ENPEP: variants seen among roughly 807,000 people sequenced by gnomAD.
ENPEP encodes glutamyl aminopeptidase, also known as AP-A.
ENPEP carries 103 observed loss-of-function variants against 114.5 expected under a neutral mutation model. The ratio of observed to expected loss-of-function variants is 0.90; its 90% CI spans 0.77 to 1.06. ENPEP has a LOEUF of 1.06. ENPEP is among the 50% of genes least tolerant of loss of function. The pLI is 0.00. For synonymous variants in ENPEP, 420 were observed against 422.0 expected, an observed-to-expected ratio of 1.00 and a Z score of 0.06; for missense variants, 1,196 against 1,161.3, an observed-to-expected ratio of 1.03 and a Z score of -0.43.
At position 110,476,443 on chromosome 4, in the gene ENPEP, A is replaced by G. The variant is rs564550794; in HGVS notation, c.29A>G (p.Lys10Arg). 135 of 1,538,664 alleles carry G rather than the reference A, an allele frequency of 8.8e-5. No homozygotes were observed. The South Asian group carries it at 1.6e-3, about 18-fold the overall frequency. The change falls in exon 1 of 20, where the codon AAG (lysine) becomes AGG (arginine). Residue 10 changes from lysine to arginine, a missense_variant. Transcript: ENST00000265162. MNFAEREGS[K>R]RYCIQTKHVA... ...AACTTTGCGGAGAGAGAGGGCTCTA[A>G]GAGATACTGCATTCAAACGAAACAT...
At chr4:110,513,815 T>C (rs1454708996) in intron 7 of ENPEP, among the ~76,000 whole-genome samples, 1 of 152,200 alleles carries the variant, frequency 6.6e-6, no homozygotes. Flanking sequence ...TAATTTAATA[T>C]TTAGACTTGA....
In ENPEP at chr4:110,548,159, TTTTTTGTC is replaced by T; in HGVS notation, c.2001-13_2001-6del. Reference sequence around the variant, plus strand: ...TGTGAGTTTTTTTTTTTTTTTTTTTTTTTTTGTCTTTCTCAGAGCTCAACTTCTAGATT... The same window carrying T: ...TGTGAGTTTTTTTTTTTTTTTTTTTTTTTCTCAGAGCTCAACTTCTAGATT... On this transcript the variant is annotated splice_polypyrimidine_tract_variant and intron_variant, in intron 13 of 19. Transcript: ENST00000265162. The T allele has an allele frequency of 8.2e-7, 1 of 1,226,672 alleles. No individual in the cohort carries two copies. Among genetic ancestry groups the T allele is most frequent in the Non-Finnish European group, 1.0e-6 (1 of 976,758 alleles). 76.0% of individuals were successfully genotyped at this position (1,226,672 alleles called of 1,614,324 possible). A position where few individuals can be genotyped will look rare whatever the true frequency, so the allele number is the denominator to read the frequency against.
intron 3 of ENPEP, among the ~76,000 whole-genome samples, chr4:110,497,122 T>C (rs1257957743): frequency 1.3e-5 from 2 of 152,246 alleles, no homozygotes; most frequent in Non-Finnish European, 2.9e-5. Context: ...GACCACTTAT[T>C]GTAGCATTCC....
chr4:110,554,011 A>G (rs1727384890), intron 18 of ENPEP, among the ~76,000 whole-genome samples: 1 of 152,048 alleles, frequency 6.6e-6, no homozygotes, highest in East Asian at 1.9e-4. Flanking sequence ...AGTTAAAGAG[A>G]TGCCTTTCCA....
chr4:110,557,441 C>T (rs1290604907), intron 18 of ENPEP, among the ~76,000 whole-genome samples: 5 of 152,086 alleles, frequency 3.3e-5, no homozygotes, highest in African/African-American at 7.2e-5. Context: ...TCATTAAATG[C>T]GAGGGACTAA....
Position 110,477,051 on chromosome 4 carries a change from C to G in ENPEP, c.637C>G (p.Gln213Glu). ...FYRTTYTENG[Q>E]VKSIVATDHE... ...TAGAACCACCTACACGGAGAACGGA[C>G]AAGTCAAGTAAATATTAATTTTTGC... The change falls in exon 1 of 20, where the codon CAA (glutamine) becomes GAA (glutamate). Residue 213 changes from glutamine to glutamate, a missense_variant. Coordinates refer to ENST00000265162, the MANE Select transcript of ENPEP (RefSeq NM_001977.4). 7.4e-6 allele frequency: 12 copies of G among 1,611,318 alleles called. No individual in the cohort carries two copies. The highest frequency in any genetic ancestry group is 1.0e-5 in the Non-Finnish European group (12 of 1,178,068).
chr4:110,513,304 C>A, intron 6 of ENPEP, 111 bp from the exon 7 acceptor site: 1 of 1,243,196 alleles, frequency 8.0e-7, no homozygotes, highest in Non-Finnish European at 1.1e-6. Context: ...GTTTAAGTAA[C>A]TTAAGTCATT....
chr4:110,509,790 C>T lies in ENPEP; in HGVS notation c.1177C>T (p.His393Tyr). The T allele has an allele frequency of 6.2e-7, 1 of 1,613,440 alleles. No individual in the cohort carries two copies. The highest frequency in any genetic ancestry group is 8.5e-7 in the Non-Finnish European group (1 of 1,179,846). Residue 393 changes from histidine (H) to tyrosine (Y), a missense_variant, in exon 5 of 20, where the codon CAT (histidine) becomes TAT (tyrosine). His to Tyr is a moderately conservative substitution (Grantham distance 83). Coordinates refer to ENST00000265162, the MANE Select transcript of ENPEP (RefSeq NM_001977.4). ...ACAGAGGGTGGCCACTGTGGTTGCC[C>T]ATGAACTTGTGCATCAGGTACAGAA... ...NQQRVATVVA[H>Y]ELVHQWFGNI...
intron 2 of ENPEP, among the ~76,000 whole-genome samples, chr4:110,489,495 C>A (rs911276952): frequency 7.2e-5 from 11 of 151,786 alleles, no homozygotes; most frequent in Admixed American, 3.9e-4. Flanking sequence ...CACAGTGGCA[C>A]GTGTATACCT....
At chr4:110,560,921 TG>T (rs1179385673) in intron 19 of ENPEP, among the ~76,000 whole-genome samples, 2 of 152,260 alleles carry the variant, frequency 1.3e-5, no homozygotes, top group East Asian at 3.9e-4. Flanking sequence ...TGGTTGAGTT[TG>T]GGGTAGGGCT....
intron 14 of ENPEP, 119 bp downstream of exon 14, chr4:110,548,445 C>A: frequency 1.3e-6 from 1 of 779,560 alleles, no homozygotes; most frequent in Non-Finnish European, 1.8e-6. Flanking sequence ...CAGGTGGAAT[C>A]AAAAGAAAGT....
rs192514327 is a variant in ENPEP, at chr4:110,561,325, C to G, written c.2722-81C>G. ...ACTGAATTTCTAGGTAAGAAGAAAG[C>G]AAATCCAGTTTGTGAATGAAATTCT... On this transcript the variant is annotated intron_variant, in intron 19 of 19. Transcript: ENST00000265162. 34 of 1,471,624 alleles carry G rather than the reference C, an allele frequency of 2.3e-5. No individual in the cohort carries two copies. In the Admixed American group the frequency reaches 5.9e-4, roughly 26 times the overall value. The allele number at this position is 1,471,624 out of a possible 1,614,324, so 91.2% of individuals were successfully genotyped here.
intron 11 of ENPEP, among the ~76,000 whole-genome samples, chr4:110,537,565 T>C (rs1405578076): frequency 6.6e-6 from 1 of 152,220 alleles, no homozygotes; most frequent in South Asian, 2.1e-4. Context: ...CTTGAACACC[T>C]CAAAGTCATT....
intron 13 of ENPEP, among the ~76,000 whole-genome samples, chr4:110,545,900 G>A (rs1402638196): frequency 6.6e-6 from 1 of 151,954 alleles, no homozygotes; most frequent in Non-Finnish European, 1.5e-5. Flanking sequence ...GGCCAGAGCA[G>A]CAGCCAAATA....
chr4:110,561,974 G>A lies in ENPEP; in HGVS notation c.*416G>A, dbSNP rs1727695854. ...AAAGTTTAAATACCAGTACTTGAGG[G>A]ACCAATATTACCATCTTAATCTTTA... On this transcript the variant is annotated 3_prime_UTR_variant, in exon 20 of 20. Transcript: ENST00000265162. 1 of 155,280 alleles carries A rather than the reference G, an allele frequency of 6.4e-6. No homozygotes were observed. Among genetic ancestry groups the A allele is most frequent in the Non-Finnish European group, 1.4e-5 (1 of 70,414 alleles). 9.6% of individuals were successfully genotyped at this position (155,280 alleles called of 1,614,324 possible). A position where few individuals can be genotyped will look rare whatever the true frequency, so the allele number is the denominator to read the frequency against.
At chr4:110,493,942 C>G (rs1279210941) in intron 3 of ENPEP, among the ~76,000 whole-genome samples, 1 of 152,098 alleles carries the variant, frequency 6.6e-6, no homozygotes. Context: ...AAAAGAAAAA[C>G]ATCCAAGACA....
rs558954141 is a variant in ENPEP at position 110,490,038 on chromosome 4, C to T, written c.787-995C>T. Among the ~76,000 whole-genome samples the T allele has an allele frequency of 2.6e-4, 39 of 152,244 alleles. 1 individual carries two copies. In the South Asian group the frequency reaches 7.9e-3, roughly 31 times the overall value. On this transcript the variant is annotated intron_variant, in intron 2 of 19. Transcript: ENST00000265162. Reference sequence around the variant, plus strand: ...TGGAGAAGAAAGAGGAAAGGATAAACTTAAAGTATGACACACCAATCTAGA... The same window carrying T: ...TGGAGAAGAAAGAGGAAAGGATAAATTTAAAGTATGACACACCAATCTAGA...
intron 10 of ENPEP, among the ~76,000 whole-genome samples, chr4:110,522,444 C>G (rs941561725): frequency 1.3e-5 from 2 of 151,938 alleles, no homozygotes; most frequent in African/African-American, 4.8e-5. Context: ...GCCTTCCAAA[C>G]TCCTGGGATT....
At chr4:110,531,817 A>C (rs1271746796) in intron 11 of ENPEP, among the ~76,000 whole-genome samples, 2 of 152,166 alleles carry the variant, frequency 1.3e-5, no homozygotes, top group East Asian at 3.9e-4. Context: ...GGCAAGCTTT[A>C]GCTGCAATCT....
Sources: gnomAD v4.1 joint callset for allele counts (sites outside exome capture counted in the v4.1 genomes callset) on GRCh38, gnomAD v4.1.1 for gene constraint, MANE v1.5 for transcripts, NCBI Gene and HGNC (gene_info 2026-07-23, HGNC 2026-07-21) for gene names.